Variants in SPOCK1 observed in about 807,000 individuals in gnomAD.
The protein encoded by SPOCK1 is testican-1.
In SPOCK1, 23 loss-of-function variants were observed where a neutral mutation model predicts 55.3. That is an observed-to-expected ratio of 0.42 (90% CI 0.30 to 0.59). SPOCK1 has a LOEUF of 0.59. Among genes scored for constraint, SPOCK1 ranks in the 20% least tolerant of loss-of-function variants. The pLI, the probability that SPOCK1 is intolerant of heterozygous loss-of-function variation, is 0.22. For missense variants in SPOCK1, 499 were observed against 552.5 expected (o/e 0.90, Z 0.97); for synonymous variants, 226 against 221.0 (o/e 1.02, Z -0.20).
At chr5:137,091,984 C>A (rs925863029) in intron 5 of SPOCK1, among the ~76,000 whole-genome samples, 4 of 152,088 alleles carry the variant, frequency 2.6e-5, no homozygotes, top group African/African-American at 9.7e-5. Flanking sequence ...ATTATTTTCC[C>A]GTCAAGTCCC....
chr5:137,218,166 T>A (rs745876448), intron 3 of SPOCK1, among the ~76,000 whole-genome samples: 2 of 152,212 alleles, frequency 1.3e-5, no homozygotes, highest in Admixed American at 6.5e-5. Flanking sequence ...TCTGGGATAA[T>A]GGAATCCCAT....
chr5:137,197,006 G>A (rs1437768621), intron 3 of SPOCK1, among the ~76,000 whole-genome samples: 1 of 152,164 alleles, frequency 6.6e-6, no homozygotes, highest in Non-Finnish European at 1.5e-5. Flanking sequence ...AGAAATCCAG[G>A]CAAAGAGGTT....
intron 3 of SPOCK1, among the ~76,000 whole-genome samples, chr5:137,207,628 G>A (rs555530016): frequency 9.8e-5 from 15 of 152,286 alleles, no homozygotes; most frequent in Admixed American, 1.3e-4. Context: ...CAGAGACAGT[G>A]GAGGAGGTGG....
At chr5:137,209,755 A>G (rs1033017710) in intron 3 of SPOCK1, among the ~76,000 whole-genome samples, 12 of 152,236 alleles carry the variant, frequency 7.9e-5, no homozygotes, top group African/African-American at 2.7e-4. Flanking sequence ...AAATTGATTC[A>G]TACAGTCAAT....
intron 2 of SPOCK1, among the ~76,000 whole-genome samples, chr5:137,437,381 A>G (rs1039506738): frequency 2.0e-5 from 3 of 152,240 alleles, no homozygotes; most frequent in Non-Finnish European, 2.9e-5. Context: ...CAGGTTTGCA[A>G]TAAAAGAGAT....
intron 2 of SPOCK1, among the ~76,000 whole-genome samples, chr5:137,274,349 G>A (rs570460564): frequency 1.1e-4 from 16 of 152,320 alleles, no homozygotes; most frequent in Admixed American, 9.2e-4. Flanking sequence ...AGGCTTTGAA[G>A]CAGATGTGGG....
chr5:137,460,224 G>A (rs765830885), intron 2 of SPOCK1, among the ~76,000 whole-genome samples: 2 of 152,142 alleles, frequency 1.3e-5, no homozygotes, highest in African/African-American at 2.4e-5. Flanking sequence ...GCTGGAGAAT[G>A]AGCAATGGCT....
chr5:137,017,489 G>T (rs1580709438), intron 6 of SPOCK1, among the ~76,000 whole-genome samples: 1 of 152,130 alleles, frequency 6.6e-6, no homozygotes, highest in East Asian at 1.9e-4. Flanking sequence ...TGTAAGTAGG[G>T]TCTTTGCTCT....
chr5:137,272,981 C>T (rs1756998746), intron 2 of SPOCK1, among the ~76,000 whole-genome samples: 1 of 152,160 alleles, frequency 6.6e-6, no homozygotes, highest in Admixed American at 6.5e-5. Flanking sequence ...CACTCTAAAT[C>T]ACCTTCACCC....
In SPOCK1 at chr5:136,992,734, A is replaced by G. The variant is rs1021086850; in HGVS notation, c.590-134T>C. The G allele has an allele frequency of 1.1e-5, 7 of 611,736 alleles. No homozygotes were observed. In the African/African-American group the frequency reaches 1.3e-4, roughly 11 times the overall value. The allele number at this position is 611,736 out of a possible 1,614,324, so 37.9% of individuals were successfully genotyped here. On this transcript the variant is annotated intron_variant, in intron 6 of 10. Transcript: ENST00000394945. ...ATATAACTGTTACCTCACGTGGAAA[A>G]CACCCCAAAGATGCTGTTAGTACAA...
intron 5 of SPOCK1, among the ~76,000 whole-genome samples, chr5:137,071,019 CTT>C (rs10570894): frequency 0.12 from 17,542 of 141,060 alleles, 1,192 homozygotes; most frequent in East Asian, 0.24. Context: ...AGGCCAATTT[CTT>C]TTTTTTTTTT....
At chr5:137,310,511 G>C (rs189057415) in intron 2 of SPOCK1, among the ~76,000 whole-genome samples, 1 of 152,346 alleles carries the variant, frequency 6.6e-6, no homozygotes, top group Non-Finnish European at 1.5e-5. Flanking sequence ...CAACATGCCA[G>C]AATCATTAAT....
At chr5:137,233,713 C>CTTTTTT (rs56328555) in intron 3 of SPOCK1, among the ~76,000 whole-genome samples, 52 of 58,388 alleles carry the variant, frequency 8.9e-4, no homozygotes, top group Admixed American at 1.6e-3. Flanking sequence ...AGGATATGCA[C>CTTTTTT]TTTTTTTTTT....
chr5:137,476,189 C>T (rs1753834846), intron 2 of SPOCK1, among the ~76,000 whole-genome samples: 1 of 152,008 alleles, frequency 6.6e-6, no homozygotes, highest in African/African-American at 2.4e-5. Flanking sequence ...CTCCTTCCTC[C>T]CACCCTCCAC....
intron 2 of SPOCK1, among the ~76,000 whole-genome samples, chr5:137,274,747 T>C (rs1203490898): frequency 1.3e-5 from 2 of 152,252 alleles, no homozygotes; most frequent in Non-Finnish European, 2.9e-5. Context: ...TAAATGCATG[T>C]AGTTTTATTA....
At position 137,181,364 on chromosome 5, in the gene SPOCK1, C is replaced by A. The variant is rs571467002; in HGVS notation, c.233-40670G>T. 4.6e-5 allele frequency among the ~76,000 whole-genome samples: 7 copies of A among 152,332 alleles called. No homozygotes were observed. The South Asian group carries it at 6.2e-4, about 14-fold the overall frequency. ...TTAGTTTCTGAGGCAGGTAGTGACACAAAGGTATCTGCTTTAGGGTCCTTC... is the reference window on the plus strand; with the variant it reads ...TTAGTTTCTGAGGCAGGTAGTGACAAAAAGGTATCTGCTTTAGGGTCCTTC... On this transcript the variant is annotated intron_variant, in intron 3 of 10. Transcript: ENST00000394945.
chr5:137,096,262 G>A (rs1753145076), intron 5 of SPOCK1, among the ~76,000 whole-genome samples: 1 of 151,560 alleles, frequency 6.6e-6, no homozygotes, highest in African/African-American at 2.4e-5. Context: ...CTCTTTCCAG[G>A]TAGTTGTAAT....
At chr5:137,319,128 T>A (rs776623529) in intron 2 of SPOCK1, among the ~76,000 whole-genome samples, 2 of 152,182 alleles carry the variant, frequency 1.3e-5, no homozygotes, top group Admixed American at 6.5e-5. Flanking sequence ...ATTCCAAGAC[T>A]ATATATCATG....
intron 6 of SPOCK1, among the ~76,000 whole-genome samples, chr5:137,006,521 T>C (rs1414560950): frequency 6.6e-6 from 1 of 152,202 alleles, no homozygotes; most frequent in Non-Finnish European, 1.5e-5. Flanking sequence ...TGTATATGAA[T>C]GCTTGTGATT....
Sources: allele counts gnomAD v4.1 joint callset (sites outside exome capture counted in the v4.1 genomes callset), GRCh38; gene constraint gnomAD v4.1.1; transcripts MANE v1.5; gene names NCBI Gene and HGNC (gene_info 2026-07-23, HGNC 2026-07-21).